SLC9C1: variants seen among roughly 807,000 people sequenced by gnomAD.
The protein encoded by SLC9C1 is solute carrier family 9 member C1.
Under a neutral mutation model 140.9 loss-of-function variants are expected in SLC9C1, and 97 were observed. The ratio of observed to expected loss-of-function variants is 0.69; its 90% CI spans 0.58 to 0.82. The LOEUF (loss-of-function observed/expected upper bound fraction) is 0.82. SLC9C1 is among the 40% of genes least tolerant of loss of function. The pLI is 0.00. For synonymous variants in SLC9C1, 440 were observed against 442.6 expected (o/e 0.99, Z 0.07); for missense variants, 1,340 against 1,389.3 (o/e 0.96, Z 0.56).
chr3:112,255,179 G>A (rs73223638), intron 10 of SLC9C1, among the ~76,000 whole-genome samples: 13,551 of 152,044 alleles, frequency 0.089, 847 homozygotes, highest in Non-Finnish European at 0.12. Flanking sequence ...GTATCATTAA[G>A]GCAGAAAATG....
chr3:112,177,005 C>CTCTT (rs763150736), intron 23 of SLC9C1, among the ~76,000 whole-genome samples: 22 of 104,718 alleles, frequency 2.1e-4, no homozygotes, highest in East Asian at 8.3e-4. Flanking sequence ...CTCTCTCTCT[C>CTCTT]TTTTTTTTTT....
intron 13 of SLC9C1, among the ~76,000 whole-genome samples, chr3:112,229,952 A>C (rs1260941091): frequency 6.6e-6 from 1 of 152,196 alleles, no homozygotes; most frequent in Non-Finnish European, 1.5e-5. Flanking sequence ...TATTTCCTAA[A>C]TTATATAGCA....
intron 15 of SLC9C1, among the ~76,000 whole-genome samples, chr3:112,214,864 C>G (rs1325806322): frequency 6.6e-6 from 1 of 152,014 alleles, no homozygotes; most frequent in Non-Finnish European, 1.5e-5. Flanking sequence ...TTTTATGAGG[C>G]CAGCATCATC....
rs772131704 is a variant in SLC9C1, at chr3:112,204,403, T to C, written c.1987A>G (p.Ile663Val). The change falls in exon 17 of 29, where the codon ATA becomes GTA. Residue 663 changes from isoleucine (I) to valine (V), a missense_variant and splice_region_variant. Transcript: ENST00000305815. ...AAAAAGTCCTTCCTCATTGCTGCTA[T>C]CTGTTGATTTAAAAGGAAATTACAT... is the stretch of plus-strand genomic sequence containing the variant. ...TLYILEALLKIAAMRKDFFSH... is the reference protein window; with the variant it reads ...TLYILEALLKVAAMRKDFFSH... 1.9e-6 allele frequency: 3 copies of C among 1,558,582 alleles called. No individual in the cohort carries two copies. The highest frequency in any genetic ancestry group is 1.7e-6 in the Non-Finnish European group (2 of 1,161,900).
chr3:112,273,325 G>A (rs1175958324), intron 6 of SLC9C1, among the ~76,000 whole-genome samples: 1 of 151,868 alleles, frequency 6.6e-6, no homozygotes, highest in Non-Finnish European at 1.5e-5. Flanking sequence ...TGGTTATTTG[G>A]CTTTCACACA....
intron 28 of SLC9C1, among the ~76,000 whole-genome samples, chr3:112,149,817 T>C (rs1471646143): frequency 6.6e-6 from 1 of 151,778 alleles, no homozygotes; most frequent in Admixed American, 6.6e-5. Flanking sequence ...CACTGCACCA[T>C]GATCTGTGTC....
At chr3:112,165,076 C>T (rs2107903336) in intron 26 of SLC9C1, among the ~76,000 whole-genome samples, 1 of 152,348 alleles carries the variant, frequency 6.6e-6, no homozygotes, top group African/African-American at 2.4e-5. Context: ...GCTACTGAGG[C>T]TTGTGCGTTC....
At chr3:112,201,372 T>C (rs1179486284) in intron 18 of SLC9C1, among the ~76,000 whole-genome samples, 1 of 152,042 alleles carries the variant, frequency 6.6e-6, no homozygotes, top group East Asian at 1.9e-4. Context: ...GTGCTAAATA[T>C]CAGTGGTTAG....
At chr3:112,159,200 T>C (rs2075215553) in intron 26 of SLC9C1, among the ~76,000 whole-genome samples, 1 of 151,906 alleles carries the variant, frequency 6.6e-6, no homozygotes, top group African/African-American at 2.4e-5. Context: ...TGTGTTCCCA[T>C]TTTCATTTAT....
At chr3:112,289,162 C>T (rs374398256) in intron 1 of SLC9C1, among the ~76,000 whole-genome samples, 4 of 152,194 alleles carry the variant, frequency 2.6e-5, no homozygotes, top group African/African-American at 7.2e-5. Flanking sequence ...GAAAGGCTGT[C>T]AATGCCCTTC....
At chr3:112,279,747 C>T (rs2080309390) in intron 3 of SLC9C1, among the ~76,000 whole-genome samples, 2 of 152,190 alleles carry the variant, frequency 1.3e-5, no homozygotes, top group South Asian at 2.1e-4. Context: ...TTCACCTGGC[C>T]TTCTTTGCTT....
chr3:112,179,313 ATCTT>A (rs780006619), intron 23 of SLC9C1, among the ~76,000 whole-genome samples: 5 of 152,212 alleles, frequency 3.3e-5, no homozygotes, highest in South Asian at 2.1e-4. Context: ...TTCTGGATAC[ATCTT>A]TCTTTCTGTA....
At chr3:112,240,445 T>C (rs1191938608) in intron 11 of SLC9C1, among the ~76,000 whole-genome samples, 1 of 152,244 alleles carries the variant, frequency 6.6e-6, no homozygotes, top group African/African-American at 2.4e-5. Context: ...TGAGTGTTTT[T>C]GGATGAGGGT....
At chr3:112,192,291 C>T (rs2077680252) in intron 20 of SLC9C1, among the ~76,000 whole-genome samples, 1 of 152,098 alleles carries the variant, frequency 6.6e-6, no homozygotes, top group Admixed American at 6.5e-5. Context: ...CTGGCAACTA[C>T]AATTCCATCA....
intron 12 of SLC9C1, among the ~76,000 whole-genome samples, chr3:112,233,356 T>G (rs983794935): frequency 6.6e-6 from 1 of 152,138 alleles, no homozygotes; most frequent in African/African-American, 2.4e-5. Flanking sequence ...CATGAGCCAC[T>G]GTGCTGACCT....
intron 12 of SLC9C1, among the ~76,000 whole-genome samples, chr3:112,239,390 C>T (rs1003929300): frequency 3.3e-5 from 5 of 152,212 alleles, no homozygotes; most frequent in Non-Finnish European, 5.9e-5. Flanking sequence ...ATTCCCTGAC[C>T]CCTTGCGCTT....
At position 112,276,425 on chromosome 3, in the gene SLC9C1, C is replaced by T. The variant is rs183097073; in HGVS notation, c.484+1270G>A. Among the ~76,000 whole-genome samples, 285 of 151,754 alleles carry T rather than the reference C, an allele frequency of 1.9e-3. 1 individual carries two copies. The highest frequency in any genetic ancestry group is 6.2e-3 in the African/African-American group (258 of 41,432). ...ATATACACACGTACACACACATACA[C>T]ATATATACATATATCTAAATCTTAT... On this transcript the variant is annotated intron_variant, in intron 5 of 28. Transcript: ENST00000305815.
In SLC9C1 at chr3:112,208,348, T is replaced by C; in HGVS notation, c.1816A>G (p.Thr606Ala). The change falls in exon 16 of 29, where the codon ACA becomes GCA. Residue 606 changes from threonine (T) to alanine (A), a missense_variant. Transcript: ENST00000305815. ...SKYFFFRICHTIVFTEEFEHV... is the reference protein window; with the variant it reads ...SKYFFFRICHAIVFTEEFEHV... ...TCAAATTCCTCAGTAAATACTATTGTATGGCATATACGAAAAAAGAAGTAT... is the reference window on the plus strand; with the variant it reads ...TCAAATTCCTCAGTAAATACTATTGCATGGCATATACGAAAAAAGAAGTAT... The C allele has an allele frequency of 6.3e-7, 1 of 1,575,712 alleles. No homozygotes were observed. Among genetic ancestry groups the C allele is most frequent in the Admixed American group, 1.9e-5 (1 of 51,978 alleles).
At chr3:112,282,757 G>A (rs1359259531) in intron 2 of SLC9C1, among the ~76,000 whole-genome samples, 1 of 152,088 alleles carries the variant, frequency 6.6e-6, no homozygotes, top group Non-Finnish European at 1.5e-5. Flanking sequence ...TTAGAAAAGT[G>A]TCTTGAACTC....
Sources: gnomAD v4.1 joint callset for allele counts (sites outside exome capture counted in the v4.1 genomes callset) on GRCh38, gnomAD v4.1.1 for gene constraint, MANE v1.5 for transcripts, NCBI Gene and HGNC (gene_info 2026-07-23, HGNC 2026-07-21) for gene names.